Variants in KLHL13 observed in about 807,000 individuals in gnomAD.
The protein encoded by KLHL13 is kelch-like protein 13.
In KLHL13, 10 loss-of-function variants were observed where a neutral mutation model predicts 37.1. That is an observed-to-expected ratio of 0.27 (90% CI 0.17 to 0.46). KLHL13 has a LOEUF of 0.46. Ranked by LOEUF, KLHL13 falls within the 20% of genes least tolerant of loss-of-function variation. The pLI is 1.00. For synonymous variants in KLHL13, 163 were observed against 181.2 expected (o/e 0.90, Z 0.81); for missense variants, 360 against 509.3 (o/e 0.71, Z 2.82).
intron 1 of KLHL13, among the ~76,000 whole-genome samples, chrX:117,970,565 G>A (rs1236568972): frequency 1.8e-5 from 2 of 111,166 alleles, no homozygotes; most frequent in East Asian, 5.6e-4. Context: ...TTTTTGAAGT[G>A]GAATTATGCT....
chrX:117,989,022 A>G (rs1230721124), intron 1 of KLHL13, among the ~76,000 whole-genome samples: 1 of 111,569 alleles, frequency 9.0e-6, no homozygotes, highest in Non-Finnish European at 1.9e-5. Flanking sequence ...GTTAGTTTGG[A>G]AACATAGAAA....
intron 1 of KLHL13, among the ~76,000 whole-genome samples, chrX:117,951,684 T>C (rs1024083889): frequency 1.1e-4 from 12 of 110,960 alleles, no homozygotes; most frequent in Admixed American, 8.6e-4. Context: ...CTTATATGCA[T>C]ATGTCTGTCA....
intron 1 of KLHL13, among the ~76,000 whole-genome samples, chrX:118,068,405 T>C (rs1463731241): frequency 9.0e-6 from 1 of 111,356 alleles, no homozygotes; most frequent in Non-Finnish European, 1.9e-5. Context: ...ACACAAACCT[T>C]GGTGAGCACA....
chrX:117,938,241 C>T (rs1235229203), intron 2 of KLHL13, among the ~76,000 whole-genome samples: 1 of 111,223 alleles, frequency 9.0e-6, no homozygotes, highest in Non-Finnish European at 1.9e-5. Flanking sequence ...AGTTTTGGTG[C>T]AACATATTTC....
chrX:118,089,796 G>C lies in KLHL13; in HGVS notation c.-56+26712C>G, dbSNP rs749223809. Among the ~76,000 whole-genome samples the C allele has an allele frequency of 5.4e-5, 6 of 110,730 alleles. No homozygotes were observed. In the East Asian group the frequency reaches 1.4e-3, roughly 26 times the overall value. On this transcript the variant is annotated intron_variant, in intron 1 of 6. Transcript: ENST00000371882. ...CAGCTGCATTAAAAAAGTATCAATA[G>C]GGCTGGGTGTGGTGGCTCACACCTG...
chrX:117,938,915 G>A (rs760219566), intron 2 of KLHL13, among the ~76,000 whole-genome samples: 9 of 109,688 alleles, frequency 8.2e-5, no homozygotes, highest in Non-Finnish European at 1.5e-4. Context: ...CCGAAGACTC[G>A]TTTTCATATA....
At chrX:117,939,467 T>C (rs1266949444) in intron 2 of KLHL13, among the ~76,000 whole-genome samples, 1 of 112,285 alleles carries the variant, frequency 8.9e-6, no homozygotes, top group Non-Finnish European at 1.9e-5. Context: ...GTAATGGGAT[T>C]GTGGGTCAAA....
chrX:117,985,680 A>G (rs933930840), intron 1 of KLHL13, among the ~76,000 whole-genome samples: 4 of 110,867 alleles, frequency 3.6e-5, no homozygotes, highest in Non-Finnish European at 7.6e-5. Context: ...TTAGAAAAAA[A>G]AACATGCTTA....
Position 117,898,954 on chromosome X carries a change from T to C in KLHL13, c.1922A>G (p.Glu641Gly), listed in dbSNP as rs757219033. ...CTCTCTAGAAGGTGATGGTGTGGTTTCTTCTGGTGGAAAAACTGTGAGTGT... is the reference window on the plus strand; with the variant it reads ...CTCTCTAGAAGGTGATGGTGTGGTTCCTTCTGGTGGAAAAACTGTGAGTGT... The change falls in exon 7 of 7, where the codon GAA becomes GGA. Residue 641 changes from glutamate to glycine, a missense_variant. This residue lies in a region of KLHL13 where 166 missense variants were observed against 284.3 expected (regional missense o/e 0.58). Coordinates refer to ENST00000262820, the Ensembl canonical transcript of KLHL13. 141 of 1,209,020 alleles carry C rather than the reference T, an allele frequency of 1.2e-4. No homozygotes were observed. Among genetic ancestry groups the C allele is most frequent in the Non-Finnish European group, 1.5e-4 (134 of 894,277 alleles).
intron 4 of KLHL13, among the ~76,000 whole-genome samples, chrX:117,911,973 C>G (rs908183092): frequency 1.8e-5 from 2 of 111,698 alleles, no homozygotes; most frequent in Non-Finnish European, 3.8e-5. Context: ...TAGAAATAGA[C>G]AGCATAACAC....
intron 1 of KLHL13, among the ~76,000 whole-genome samples, chrX:118,007,390 A>G (rs867206163): frequency 4.9e-5 from 5 of 102,689 alleles, no homozygotes; most frequent in African/African-American, 2.0e-4. Flanking sequence ...AAAAAAAAAA[A>G]AAAGAGAGAG....
At chrX:118,014,758 A>C (rs1393724583) in intron 1 of KLHL13, among the ~76,000 whole-genome samples, 1 of 112,264 alleles carries the variant, frequency 8.9e-6, no homozygotes, top group Admixed American at 9.5e-5. Context: ...GGAAAATAGA[A>C]AAGAACCTAC....
intron 1 of KLHL13, among the ~76,000 whole-genome samples, chrX:118,076,398 T>C (rs2054928505): frequency 8.9e-6 from 1 of 111,744 alleles, no homozygotes; most frequent in African/African-American, 3.2e-5. Flanking sequence ...ATGTGATCAC[T>C]ATAGTTTCTG....
chrX:118,106,800 C>T (rs575805215), intron 1 of KLHL13, among the ~76,000 whole-genome samples: 1 of 112,155 alleles, frequency 8.9e-6, no homozygotes, highest in East Asian at 2.8e-4. Context: ...ATCCCTCTAA[C>T]ACCTAAAGCT....
At chrX:118,095,269 C>A (rs1160425228) in intron 1 of KLHL13, among the ~76,000 whole-genome samples, 1 of 110,074 alleles carries the variant, frequency 9.1e-6, no homozygotes, top group Admixed American at 9.7e-5. Context: ...GACTTTAAAC[C>A]AACAAAGATC....
At chrX:118,027,643 A>G (rs1322107079) in intron 1 of KLHL13, among the ~76,000 whole-genome samples, 4 of 101,385 alleles carry the variant, frequency 3.9e-5, no homozygotes. Flanking sequence ...CTCTCTCTCC[A>G]CACATACACA....
intron 1 of KLHL13, among the ~76,000 whole-genome samples, chrX:118,099,906 AGAAGGAAGGAAGAAAGGAAGGAAGGAAG>A (rs1431938008): frequency 1.1e-5 from 1 of 91,247 alleles, no homozygotes; most frequent in Non-Finnish European, 1.9e-5. Context: ...AAGGAAGGAA[AGAAGGAAGGAAGAAAGGAAGGAAGGAAG>A]GAAGGAAGGA....
At chrX:117,935,536 C>T (rs997697756) in intron 2 of KLHL13, among the ~76,000 whole-genome samples, 2 of 111,976 alleles carry the variant, frequency 1.8e-5, no homozygotes, top group African/African-American at 3.2e-5. Flanking sequence ...ATTCCACAGG[C>T]TATACAGGAA....
intron 1 of KLHL13, among the ~76,000 whole-genome samples, chrX:118,043,245 A>G (rs1244283510): frequency 8.9e-6 from 1 of 111,887 alleles, no homozygotes; most frequent in Non-Finnish European, 1.9e-5. Flanking sequence ...AACTGTAATA[A>G]AGTGTCTCCA....
Sources: allele counts gnomAD v4.1 joint callset (sites outside exome capture counted in the v4.1 genomes callset), GRCh38; gene constraint gnomAD v4.1.1; regional missense constraint gnomAD v4.1.1; transcripts MANE v1.5; gene names NCBI Gene and HGNC (gene_info 2026-07-23, HGNC 2026-07-21).